The following FAM110A variants were observed in gnomAD, a reference collection of about 807,000 sequenced individuals.
FAM110A encodes family with sequence similarity 110 member A, also known as protein FAM110A.
A neutral mutation model predicts 4.0 loss-of-function variants in FAM110A; 1 was observed. The observed-to-expected ratio is 0.25, with a 90% CI of 0.09 to 1.20. The LOEUF is 1.20. Among genes scored for constraint, FAM110A ranks in the 50% most tolerant of loss-of-function variants. The pLI, the probability that FAM110A is intolerant of heterozygous loss-of-function variation, is 0.50. For missense variants in FAM110A, 436 were observed against 429.2 expected, an observed-to-expected ratio of 1.02 and a Z score of -0.14; for synonymous variants, 217 against 196.8, an observed-to-expected ratio of 1.10 and a Z score of -0.86.
chr20:844,465 T>C (rs1980127439), intron 1 of FAM110A, among the ~76,000 whole-genome samples: 2 of 152,082 alleles, frequency 1.3e-5, no homozygotes, highest in South Asian at 4.2e-4. Context: ...GTCTTTTTTC[T>C]CTAGCACCTT....
intron 1 of FAM110A, among the ~76,000 whole-genome samples, chr20:838,817 ATTTT>A (rs35060058): frequency 1.4e-4 from 18 of 128,888 alleles, no homozygotes; most frequent in South Asian, 1.0e-3. Context: ...GGGAGCTTGG[ATTTT>A]TTTTTTTTTT....
At position 840,924 on chromosome 20, in the gene FAM110A, TTTCCCGTGCC is replaced by T. The variant is rs1979851632; in HGVS notation, c.-97-3782_-97-3773del. Reference sequence around the variant, plus strand: ...GGTTACCCGATACCAAGAAAAACACTTTCCCGTGCCTGGCACAGTGAACATCACCTGGCGG... The same window carrying T: ...GGTTACCCGATACCAAGAAAAACACTTGGCACAGTGAACATCACCTGGCGG... On this transcript the variant is annotated intron_variant, in intron 1 of 1. Transcript: ENST00000381941. The surrounding 1 kb of genome is among the most constrained non-coding windows in gnomAD (Gnocchi z 4.4). Among the ~76,000 whole-genome samples, 2 of 152,130 alleles carry T rather than the reference TTTCCCGTGCC, an allele frequency of 1.3e-5. No individual in the cohort carries two copies. The highest frequency in any genetic ancestry group is 4.1e-4 in the South Asian group (2 of 4,830).
Position 845,900 on chromosome 20 carries a change from G to A in FAM110A, c.*208G>A, listed in dbSNP as rs1980327792. 37 of 1,070,638 alleles carry A rather than the reference G, an allele frequency of 3.5e-5. No individual in the cohort carries two copies. Among genetic ancestry groups the A allele is most frequent in the Non-Finnish European group, 4.7e-5 (36 of 760,280 alleles). The allele number at this position is 1,070,638 out of a possible 1,614,324, so 66.3% of individuals were successfully genotyped here. On this transcript the variant is annotated 3_prime_UTR_variant, in exon 2 of 2. Transcript: ENST00000381941. ...GTTTTGTTCTTGGCTTTGGACACCT[G>A]AGAACCCCCTCCTCCCCTCCCCCAA...
chr20:843,805 T>C (rs11906459), intron 1 of FAM110A, among the ~76,000 whole-genome samples: 13,702 of 152,288 alleles, frequency 0.09, 727 homozygotes, highest in African/African-American at 0.14. Flanking sequence ...TCCAGGTGTA[T>C]GCCCTCCTCC....
intron 1 of FAM110A, among the ~76,000 whole-genome samples, 184 bp from the exon 2 acceptor site, chr20:844,524 G>T (rs1172568648): frequency 6.6e-6 from 1 of 152,010 alleles, no homozygotes; most frequent in Non-Finnish European, 1.5e-5. Context: ...GGGCAGGAGG[G>T]AGGGGGTGTG....
chr20:839,924 C>A, intron 1 of FAM110A: 1 of 1,579,470 alleles, frequency 6.3e-7, no homozygotes, highest in Non-Finnish European at 8.7e-7. Flanking sequence ...CCATGACTCC[C>A]TCCTTAAAAA....
At position 845,088 on chromosome 20, in the gene FAM110A, G is replaced by A; in HGVS notation, c.284G>A (p.Gly95Asp). Reference protein sequence around the residue: ...VLTPSRRALPGPCRRPQLDLD... With the variant: ...VLTPSRRALPDPCRRPQLDLD... ...ACGCCCAGCCGCCGAGCCCTGCCTG[G>A]CCCCTGCCGACGGCCCCAGCTGGAC... The change falls in exon 2 of 2, where the codon GGC (glycine) becomes GAC (aspartate). Residue 95 changes from glycine (G) to aspartate (D), a missense_variant. By Grantham distance (94) the Gly-to-Asp change is moderately conservative. Coordinates refer to ENST00000381941, the MANE Select transcript of FAM110A (RefSeq NM_001042353.3). The A allele has an allele frequency of 6.3e-7, 1 of 1,597,046 alleles. No individual in the cohort carries two copies. Among genetic ancestry groups the A allele is most frequent in the Non-Finnish European group, 8.5e-7 (1 of 1,173,122 alleles).
intron 1 of FAM110A, chr20:839,872 C>T (rs1979788574): frequency 1.9e-6 from 3 of 1,605,450 alleles, no homozygotes; most frequent in Non-Finnish European, 2.6e-6. Context: ...TTCTTGTCTG[C>T]CAGCTCCGGG....
intron 1 of FAM110A, among the ~76,000 whole-genome samples, chr20:843,132 G>A (rs111654353): frequency 6.6e-6 from 1 of 152,136 alleles, no homozygotes; most frequent in Admixed American, 6.5e-5. Flanking sequence ...GGTCAGGAGT[G>A]CCGGGGAGAA....
intron 1 of FAM110A, among the ~76,000 whole-genome samples, chr20:835,349 G>A (rs1456346381): frequency 1.3e-5 from 2 of 151,974 alleles, no homozygotes; most frequent in African/African-American, 4.8e-5. Context: ...GTGACATTGA[G>A]TAAGTTTCTT....
At chr20:841,786 C>A (rs1979934961) in intron 1 of FAM110A, among the ~76,000 whole-genome samples, 2 of 152,156 alleles carry the variant, frequency 1.3e-5, no homozygotes, top group African/African-American at 4.8e-5. Context: ...GACATTGAGT[C>A]GCGCTTGGGG....
chr20:844,971 G>C lies in FAM110A; in HGVS notation c.167G>C (p.Ser56Thr). The C allele has an allele frequency of 1.3e-6, 2 of 1,595,818 alleles. No homozygotes were observed. Among genetic ancestry groups the C allele is most frequent in the Non-Finnish European group, 1.7e-6 (2 of 1,172,008 alleles). Residue 56 changes from serine (S) to threonine (T), a missense_variant, in exon 2 of 2, where the codon AGC becomes ACC. Ser to Thr is a moderately conservative substitution (Grantham distance 58). Coordinates refer to ENST00000381941, the MANE Select transcript of FAM110A (RefSeq NM_001042353.3). ...LEADKAKYVKSLHVANTRQEP... is the reference protein window; with the variant it reads ...LEADKAKYVKTLHVANTRQEP... Reference sequence around the variant, plus strand: ...GCCGACAAGGCCAAGTACGTCAAGAGCCTGCACGTGGCCAACACCCGCCAG... The same window carrying C: ...GCCGACAAGGCCAAGTACGTCAAGACCCTGCACGTGGCCAACACCCGCCAG...
chr20:845,493 A>T lies in FAM110A; in HGVS notation c.689A>T (p.Asp230Val), dbSNP rs769753721. Residue 230 changes from aspartate (D) to valine (V), a missense_variant, in exon 2 of 2, where the codon GAT (aspartate) becomes GTT (valine). By Grantham distance (152) the Asp-to-Val change is radical (BLOSUM62 -3). Coordinates refer to ENST00000381941, the MANE Select transcript of FAM110A (RefSeq NM_001042353.3). ...GCCCACCTGGCACGGGCCAGCTCGG[A>T]TATCGTGTCCCTGGCAGGGCCCAGT... ...GVAHLARASSDIVSLAGPSAG... is the reference protein window; with the variant it reads ...GVAHLARASSVIVSLAGPSAG... The T allele has an allele frequency of 6.2e-7, 1 of 1,612,482 alleles. No homozygotes were observed. Among genetic ancestry groups the T allele is most frequent in the Admixed American group, 1.7e-5 (1 of 59,884 alleles).
At chr20:842,555 A>C in intron 1 of FAM110A, among the ~76,000 whole-genome samples, 1 of 151,696 alleles carries the variant, frequency 6.6e-6, no homozygotes, top group Non-Finnish European at 1.5e-5. Flanking sequence ...TTCCTTTCCC[A>C]TCCACTCCAT....
At chr20:844,021 C>T (rs1980094919) in intron 1 of FAM110A, among the ~76,000 whole-genome samples, 1 of 152,194 alleles carries the variant, frequency 6.6e-6, no homozygotes, top group Non-Finnish European at 1.5e-5. Flanking sequence ...TCCACTGGGG[C>T]GCGGGTGGAG....
At chr20:844,607 A>C in intron 1 of FAM110A, 101 bp from the exon 2 acceptor site, 1 of 793,180 alleles carries the variant, frequency 1.3e-6, no homozygotes, top group Non-Finnish European at 1.7e-6. Context: ...CGTGGTCTCT[A>C]CCTTATAATA....
rs1324102549 is a variant in FAM110A at position 840,859 on chromosome 20, T to C, written c.-97-3849T>C. Among the ~76,000 whole-genome samples, 1 of 152,168 alleles carries C rather than the reference T, an allele frequency of 6.6e-6. No homozygotes were observed. The highest frequency in any genetic ancestry group is 2.4e-5 in the African/African-American group (1 of 41,444). ...TACCATTAGTCAAATGGGGTAACAA[T>C]AGAACTCACCAGATAGTGATTGTTG... On this transcript the variant is annotated intron_variant, in intron 1 of 1. Coordinates refer to ENST00000381941, the MANE Select transcript of FAM110A (RefSeq NM_001042353.3). This position sits in a 1 kb window ranked among gnomAD's most constrained non-coding sequence, Gnocchi z 4.4.
chr20:835,646 C>T (rs1056696836), intron 1 of FAM110A, among the ~76,000 whole-genome samples: 2 of 152,230 alleles, frequency 1.3e-5, no homozygotes, highest in African/African-American at 4.8e-5. Context: ...ACAGCCTACT[C>T]CCTTCTCCCT....
chr20:842,767 C>T (rs6038936), intron 1 of FAM110A, among the ~76,000 whole-genome samples: 1 of 152,056 alleles, frequency 6.6e-6, no homozygotes, highest in Non-Finnish European at 1.5e-5. Flanking sequence ...TTTATGTACT[C>T]CTGGATTTCC....
Sources: allele counts gnomAD v4.1 joint callset (sites outside exome capture counted in the v4.1 genomes callset), GRCh38; gene constraint gnomAD v4.1.1; non-coding constraint Gnocchi (gnomAD v3.1); transcripts MANE v1.5; gene names NCBI Gene and HGNC (gene_info 2026-07-23, HGNC 2026-07-21).